The following DCC variants were observed in gnomAD, a reference collection of about 807,000 sequenced individuals.
The protein encoded by DCC is DCC netrin 1 receptor.
DCC carries 58 observed loss-of-function variants against 172.5 expected under a neutral mutation model. The ratio of observed to expected loss-of-function variants is 0.34; its 90% CI spans 0.27 to 0.42. The LOEUF is 0.42. DCC is among the 10% of genes least tolerant of loss of function. The pLI, the probability that DCC is intolerant of heterozygous loss-of-function variation, is 1.00. For synonymous variants in DCC, 709 were observed against 644.5 expected (o/e 1.10, Z -1.52); for missense variants, 1,740 against 1,791.0 (o/e 0.97, Z 0.51).
chr18:52,349,565 C>T (rs975433265), intron 1 of DCC, among the ~76,000 whole-genome samples: 7 of 152,096 alleles, frequency 4.6e-5, no homozygotes, highest in African/African-American at 1.2e-4. Context: ...TGACTGTTTC[C>T]CTTGGGGAAG....
At chr18:52,656,223 G>T (rs922058428) in intron 1 of DCC, among the ~76,000 whole-genome samples, 3 of 151,654 alleles carry the variant, frequency 2.0e-5, no homozygotes, top group African/African-American at 7.3e-5. Flanking sequence ...GGTGTTAGGA[G>T]ATGGGACCTT....
intron 1 of DCC, among the ~76,000 whole-genome samples, chr18:52,525,679 G>A (rs1145268): frequency 0.31 from 47,595 of 152,048 alleles, 7,605 homozygotes; most frequent in African/African-American, 0.35. Flanking sequence ...TAAAAATTAA[G>A]TACTTGTTGA....
At chr18:52,431,157 A>T (rs1987608388) in intron 1 of DCC, among the ~76,000 whole-genome samples, 1 of 152,094 alleles carries the variant, frequency 6.6e-6, no homozygotes, top group African/African-American at 2.4e-5. Context: ...TTGGACACTC[A>T]CCCAAATATA....
At chr18:52,786,988 TCA>T (rs1598801854) in intron 2 of DCC, among the ~76,000 whole-genome samples, 1 of 152,162 alleles carries the variant, frequency 6.6e-6, no homozygotes, top group African/African-American at 2.4e-5. Context: ...TTAAGAGTAC[TCA>T]CAGATAGTTT....
chr18:52,789,190 G>A lies in DCC; in HGVS notation c.412+36816G>A, dbSNP rs138695332. Reference sequence around the variant, plus strand: ...CTGTCAGATAACACAATGAAAAACAGCAAAGCCTTTGGTTTTGAGAGGGAA... The same window carrying A: ...CTGTCAGATAACACAATGAAAAACAACAAAGCCTTTGGTTTTGAGAGGGAA... On this transcript the variant is annotated intron_variant, in intron 2 of 28. Coordinates refer to ENST00000442544, the MANE Select transcript of DCC (RefSeq NM_005215.4). 4.3e-4 allele frequency among the ~76,000 whole-genome samples: 66 copies of A among 152,270 alleles called. No individual in the cohort carries two copies. The East Asian group carries it at 7.0e-3, about 16-fold the overall frequency.
At chr18:53,150,158 A>C (rs1009327191) in intron 7 of DCC, among the ~76,000 whole-genome samples, 3 of 152,234 alleles carry the variant, frequency 2.0e-5, no homozygotes, top group Admixed American at 2.0e-4. Context: ...GTTCAAAATA[A>C]AATGTTCTCA....
At position 53,019,696 on chromosome 18, in the gene DCC, AG is replaced by A. The variant is rs1199682008; in HGVS notation, c.986-43607del. ...TTTTAGACCGGGAATTGGCAAATTA[AG>A]GACCATGGATCAAATTCAGCTGACC... is the stretch of plus-strand genomic sequence containing the variant. On this transcript the variant is annotated intron_variant, in intron 5 of 28. Transcript: ENST00000442544. 2.6e-5 allele frequency among the ~76,000 whole-genome samples: 4 copies of A among 152,286 alleles called. No homozygotes were observed. The East Asian group carries it at 5.8e-4, about 22-fold the overall frequency.
chr18:52,376,347 A>G (rs1214347235), intron 1 of DCC, among the ~76,000 whole-genome samples: 1 of 152,212 alleles, frequency 6.6e-6, no homozygotes, highest in Non-Finnish European at 1.5e-5. Context: ...TCAACTACCC[A>G]GTAAGTAGGC....
chr18:52,753,363 C>T lies in DCC; in HGVS notation c.412+989C>T, dbSNP rs62081901. Reference sequence around the variant, plus strand: ...ACAGTCATAGGACCTCAACTGGCTGCGTAAAGTTATGAGATTATTTTTTTA... The same window carrying T: ...ACAGTCATAGGACCTCAACTGGCTGTGTAAAGTTATGAGATTATTTTTTTA... On this transcript the variant is annotated intron_variant, in intron 2 of 28. Transcript: ENST00000442544. 2.9e-4 allele frequency among the ~76,000 whole-genome samples: 44 copies of T among 152,034 alleles called. 1 individual carries two copies. Among genetic ancestry groups the T allele is most frequent in the East Asian group, 9.6e-4 (5 of 5,202 alleles).
At chr18:52,668,755 G>A (rs2035500546) in intron 1 of DCC, among the ~76,000 whole-genome samples, 1 of 152,190 alleles carries the variant, frequency 6.6e-6, no homozygotes, top group South Asian at 2.1e-4. Flanking sequence ...ACTGAAAGTT[G>A]ATGTTTCTGT....
intron 2 of DCC, among the ~76,000 whole-genome samples, chr18:52,791,471 TG>T (rs200802823): frequency 1.4e-5 from 2 of 148,112 alleles, no homozygotes; most frequent in Non-Finnish European, 3.0e-5. Context: ...TTTTGTGTTT[TG>T]TTTTTTTTTT....
intron 1 of DCC, among the ~76,000 whole-genome samples, chr18:52,721,394 T>G (rs1480302356): frequency 6.6e-6 from 1 of 152,116 alleles, no homozygotes; most frequent in Non-Finnish European, 1.5e-5. Flanking sequence ...AAACTTTGAC[T>G]GTGCCTAACA....
intron 1 of DCC, among the ~76,000 whole-genome samples, chr18:52,662,478 C>T (rs1400305475): frequency 7.8e-6 from 1 of 127,872 alleles, no homozygotes; most frequent in Non-Finnish European, 1.6e-5. Flanking sequence ...AAAAATACAT[C>T]AGGGACACAC....
intron 1 of DCC, among the ~76,000 whole-genome samples, chr18:52,632,779 C>G (rs1489324870): frequency 6.6e-6 from 1 of 152,114 alleles, no homozygotes; most frequent in Non-Finnish European, 1.5e-5. Flanking sequence ...ATTGCTTGAT[C>G]TTCTTTACTA....
chr18:52,878,794 A>C lies in DCC; in HGVS notation c.413-27250A>C, dbSNP rs1236451495. 2.6e-5 allele frequency among the ~76,000 whole-genome samples: 4 copies of C among 152,324 alleles called. No individual in the cohort carries two copies. In the East Asian group the frequency reaches 7.7e-4, roughly 29 times the overall value. On this transcript the variant is annotated intron_variant, in intron 2 of 28. Coordinates refer to ENST00000442544, the MANE Select transcript of DCC (RefSeq NM_005215.4). ...GTGTTCAATAAACAATTGTTGAAAA[A>C]GTAATTAATGTGCTGGGATATCTGA... is the stretch of plus-strand genomic sequence containing the variant.
At chr18:52,802,630 C>T (rs1310474891) in intron 2 of DCC, among the ~76,000 whole-genome samples, 3 of 133,624 alleles carry the variant, frequency 2.2e-5, no homozygotes, top group Non-Finnish European at 3.1e-5. Context: ...AGGTACACAT[C>T]ACCACGCCAA....
chr18:52,649,572 C>G lies in DCC; in HGVS notation c.92-102482C>G, dbSNP rs552605535. 7.9e-5 allele frequency among the ~76,000 whole-genome samples: 12 copies of G among 152,146 alleles called. No homozygotes were observed. In the South Asian group the frequency reaches 2.3e-3, roughly 29 times the overall value. On this transcript the variant is annotated intron_variant, in intron 1 of 28. Coordinates refer to ENST00000442544, the MANE Select transcript of DCC (RefSeq NM_005215.4). ...AGGTAATTTCTTATACCCACCCCCT[C>G]TCACCCTCCTGAGTCTCTGATGTCT...
intron 11 of DCC, among the ~76,000 whole-genome samples, chr18:53,213,765 A>G (rs1211249347): frequency 6.6e-6 from 1 of 151,184 alleles, no homozygotes; most frequent in Non-Finnish European, 1.5e-5. Context: ...AAATTATATG[A>G]TATAGAGCAT....
chr18:52,828,466 A>C (rs2038552790), intron 2 of DCC, among the ~76,000 whole-genome samples: 1 of 151,980 alleles, frequency 6.6e-6, no homozygotes, highest in South Asian at 2.1e-4. Flanking sequence ...ATGAGGAATA[A>C]TGGTTTTGAT....
Sources: allele counts gnomAD v4.1 joint callset (sites outside exome capture counted in the v4.1 genomes callset), GRCh38; gene constraint gnomAD v4.1.1; transcripts MANE v1.5; gene names NCBI Gene and HGNC (gene_info 2026-07-23, HGNC 2026-07-21).